TMEM161A: variants seen among roughly 807,000 people sequenced by gnomAD.
The protein encoded by TMEM161A is adaptive response to oxidative stress protein 29.
In TMEM161A, 46 loss-of-function variants were observed where a neutral mutation model predicts 57.1. The ratio of observed to expected loss-of-function variants is 0.81; its 90% confidence interval spans 0.64 to 1.03. TMEM161A has a LOEUF of 1.03. Ranked by LOEUF, TMEM161A falls within the 50% of genes least tolerant of loss-of-function variation. The pLI is 0.00. For synonymous variants in TMEM161A, 288 were observed against 279.0 expected (o/e 1.03, Z -0.32); for missense variants, 601 against 621.5 (o/e 0.97, Z 0.35).
chr19:19,123,203 G>A (rs1039846327), intron 6 of TMEM161A, among the ~76,000 whole-genome samples: 1 of 152,170 alleles, frequency 6.6e-6, no homozygotes, highest in East Asian at 1.9e-4. Context: ...AGAACAGAGA[G>A]CCCAACGCAA....
chr19:19,124,360 G>GAA (rs1311034501), intron 6 of TMEM161A, among the ~76,000 whole-genome samples: 3 of 151,996 alleles, frequency 2.0e-5, no homozygotes, highest in Non-Finnish European at 2.9e-5. Flanking sequence ...TAGAACATGT[G>GAA]AAAAAAGGCA....
chr19:19,132,126 A>G lies in TMEM161A; in HGVS notation c.443+226T>C, dbSNP rs574496133. Among the ~76,000 whole-genome samples, 4 of 152,318 alleles carry G rather than the reference A, an allele frequency of 2.6e-5. No homozygotes were observed. The East Asian group carries it at 7.7e-4, about 29-fold the overall frequency. On this transcript the variant is annotated intron_variant, in intron 5 of 11. Transcript: ENST00000162044. The surrounding 1 kb of genome is among the most constrained non-coding windows in gnomAD (Gnocchi z 4.3). The stretch of plus-strand genomic sequence containing the variant: ...CCTGCCTCCTGGCATTTCTACTGCC[A>G]CCAAAGGGCATGACCATGTGGAGTG...
chr19:19,120,994 T>G lies in TMEM161A; in HGVS notation c.1087A>C (p.Arg363=). 6.2e-7 allele frequency: 1 copy of G among 1,606,756 alleles called. No individual in the cohort carries two copies. The highest frequency in any genetic ancestry group is 8.5e-7 in the Non-Finnish European group (1 of 1,176,070). Residue 363 remains arginine (R), a splice_region_variant and synonymous_variant, in exon 10 of 12, where the codon AGG becomes CGG. Coordinates refer to ENST00000162044, the MANE Select transcript of TMEM161A (RefSeq NM_017814.3). ...CTAGGTCATCGGGGCGTCCATACCC[T>G]CTGCTGGATTTCACGGGCTTCGATG... ...GRIEAREIQQ[R]VVRVYCYVTV... is the part of the protein sequence containing the mutation.
chr19:19,136,384 G>A (rs915822503), intron 1 of TMEM161A, among the ~76,000 whole-genome samples: 18 of 152,262 alleles, frequency 1.2e-4, no homozygotes, highest in African/African-American at 4.1e-4. Context: ...GGCCAGGTGC[G>A]GTGGCTCGTG....
intron 5 of TMEM161A, among the ~76,000 whole-genome samples, chr19:19,131,517 C>T (rs1173327921): frequency 1.3e-5 from 2 of 151,898 alleles, no homozygotes; most frequent in Non-Finnish European, 2.9e-5. Context: ...TACACACACA[C>T]ACACACACAC....
rs2059951725 is a variant in TMEM161A, at chr19:19,130,256, A to AC, written c.494dup (p.Glu166Ter). 2 of 1,613,478 alleles carry AC rather than the reference A, an allele frequency of 1.2e-6. No homozygotes were observed. Among genetic ancestry groups the AC allele is most frequent in the East Asian group, 2.2e-5 (1 of 44,878 alleles). On this transcript the variant is annotated frameshift_variant, in exon 6 of 12. Coordinates refer to ENST00000162044, the MANE Select transcript of TMEM161A (RefSeq NM_017814.3). LOFTEE classifies it high-confidence loss of function. Reference sequence around the variant, plus strand: ...CAAAGGTGAGGCAGACAGAGCGCTCACCCCCCTCCTCGGCGCTGAAGTACA... The same window carrying AC: ...CAAAGGTGAGGCAGACAGAGCGCTCACCCCCCCTCCTCGGCGCTGAAGTACA...
In TMEM161A at chr19:19,130,252, G is replaced by T; in HGVS notation, c.499C>A (p.Arg167Ser). 1 of 1,613,862 alleles carries T rather than the reference G, an allele frequency of 6.2e-7. No homozygotes were observed. ...LYFSAEEGGERSVCLTFAFLF... is the reference protein window; with the variant it reads ...LYFSAEEGGESSVCLTFAFLF... ...AAGGCAAAGGTGAGGCAGACAGAGC[G>T]CTCACCCCCCTCCTCGGCGCTGAAG... The change falls in exon 6 of 12, where the codon CGC (arginine) becomes AGC (serine). Residue 167 changes from arginine to serine, a missense_variant. Arg to Ser is a moderately radical substitution (Grantham distance 110). Transcript: ENST00000162044.
Position 19,132,701 on chromosome 19 carries a change from G to A in TMEM161A, c.242C>T (p.Pro81Leu), listed in dbSNP as rs556891366. 4.6e-5 allele frequency: 73 copies of A among 1,579,978 alleles called. No homozygotes were observed. Among genetic ancestry groups the A allele is most frequent in the South Asian group, 3.5e-4 (30 of 85,352 alleles). The change falls in exon 4 of 12, where the codon CCG becomes CTG. Residue 81 changes from proline (P) to leucine (L), a missense_variant. Physicochemically the swap from Pro to Leu is moderately conservative, Grantham distance 98 (BLOSUM62 -3). Coordinates refer to ENST00000162044, the MANE Select transcript of TMEM161A (RefSeq NM_017814.3). The surrounding 1 kb of genome is among the most constrained non-coding windows in gnomAD (Gnocchi z 4.3). ...EKPLSVPRDAPFQLETCPLTT... is the reference protein window; with the variant it reads ...EKPLSVPRDALFQLETCPLTT... ...GAGGGGGCAGGTCTCCAGCTGGAACGGGGCATCTCGGGGCACAGACAGTGG... is the reference window on the plus strand; with the variant it reads ...GAGGGGGCAGGTCTCCAGCTGGAACAGGGCATCTCGGGGCACAGACAGTGG...
intron 6 of TMEM161A, among the ~76,000 whole-genome samples, chr19:19,125,662 G>A (rs968708023): frequency 2.6e-5 from 4 of 151,690 alleles, no homozygotes; most frequent in African/African-American, 7.3e-5. Context: ...GACTACAGGC[G>A]CCTGCCACCA....
chr19:19,120,184 C>T lies in TMEM161A; in HGVS notation c.1187-1G>A, dbSNP rs2059901636. ...GGGCCCAGGCCCCAGGAATAGCCTC[C>T]TAGGAGAAGAGGATGAAGCGAGGTA... On this transcript the variant is annotated splice_acceptor_variant, in intron 11 of 11. Transcript: ENST00000162044. LOFTEE classifies it high-confidence loss of function. 1.9e-6 allele frequency: 3 copies of T among 1,543,506 alleles called. No individual in the cohort carries two copies. The highest frequency in any genetic ancestry group is 2.6e-6 in the Non-Finnish European group (3 of 1,141,614).
rs767780973 is a variant in TMEM161A, at chr19:19,130,162, C to T, written c.589G>A (p.Glu197Lys). Residue 197 changes from glutamate to lysine, a missense_variant, in exon 6 of 12, where the codon GAG becomes AAG. Coordinates refer to ENST00000162044, the MANE Select transcript of TMEM161A (RefSeq NM_017814.3). Reference protein sequence around the residue: ...VREETLELGLEPGLASMTQNL... With the variant: ...VREETLELGLKPGLASMTQNL... Reference sequence around the variant, plus strand: ...CGTTGGGGGCTGCACTTACCAGGCTCCAGGCCCAGCTCGAGGGTCTCCTCC... The same window carrying T: ...CGTTGGGGGCTGCACTTACCAGGCTTCAGGCCCAGCTCGAGGGTCTCCTCC... 4.3e-6 allele frequency: 7 copies of T among 1,613,336 alleles called. No homozygotes were observed. Among genetic ancestry groups the T allele is most frequent in the Admixed American group, 1.7e-5 (1 of 60,010 alleles).
At chr19:19,130,420 G>A in intron 5 of TMEM161A, 113 bp from the exon 6 acceptor site, 1 of 1,381,918 alleles carries the variant, frequency 7.2e-7, no homozygotes. Flanking sequence ...GCACAAATAG[G>A]CCTTGGGGAT....
Position 19,138,408 on chromosome 19 carries a change from C to G in TMEM161A, c.3+18G>C, listed in dbSNP as rs750067563. ...CTCGGCCCTGCAGAACCCCCCACTT[C>G]GCGGGACGCTCGCTCACCATGACGC... On this transcript the variant is annotated intron_variant, in intron 1 of 11. Transcript: ENST00000162044. 1.2e-6 allele frequency: 2 copies of G among 1,602,618 alleles called. No individual in the cohort carries two copies. Among genetic ancestry groups the G allele is most frequent in the Non-Finnish European group, 1.7e-6 (2 of 1,174,658 alleles).
At chr19:19,123,579 T>A (rs771794835) in intron 6 of TMEM161A, among the ~76,000 whole-genome samples, 23 of 152,304 alleles carry the variant, frequency 1.5e-4, no homozygotes, top group Non-Finnish European at 1.5e-4. Context: ...ACTTTAAAGT[T>A]AAATGACAAA....
Position 19,137,586 on chromosome 19 carries a change from G to A in TMEM161A, c.3+840C>T, listed in dbSNP as rs770029035. 2.6e-4 allele frequency among the ~76,000 whole-genome samples: 40 copies of A among 152,152 alleles called. 1 individual carries two copies. The highest frequency in any genetic ancestry group is 4.7e-4 in the Non-Finnish European group (32 of 68,010). The stretch of plus-strand genomic sequence containing the variant: ...CAATGCAGCCTCCCTCCTCATTCCC[G>A]GGAGCCTGTGCCTTCATCTCCTACG... On this transcript the variant is annotated intron_variant, in intron 1 of 11. Transcript: ENST00000162044.
chr19:19,124,038 G>A (rs1200193942), intron 6 of TMEM161A, among the ~76,000 whole-genome samples: 1 of 150,928 alleles, frequency 6.6e-6, no homozygotes, highest in Non-Finnish European at 1.5e-5. Context: ...TGGCCAACGA[G>A]AGCAAAACTC....
rs746125613 is a variant in TMEM161A at position 19,132,367 on chromosome 19, G to A, written c.428C>T (p.Thr143Met). The change falls in exon 5 of 12, where the codon ACG (threonine) becomes ATG (methionine). Residue 143 changes from threonine to methionine, a missense_variant. Coordinates refer to ENST00000162044, the MANE Select transcript of TMEM161A (RefSeq NM_017814.3). This position sits in a 1 kb window ranked among gnomAD's most constrained non-coding sequence, Gnocchi z 4.3. ...TNIAVFWCLLTVTFSIKMFLT... is the reference protein window; with the variant it reads ...TNIAVFWCLLMVTFSIKMFLT... Reference sequence around the variant, plus strand: ...GGAAGGATACATGGAGAAGGTCACCGTGAGCAGGCACCAGAACACAGCAAT... The same window carrying A: ...GGAAGGATACATGGAGAAGGTCACCATGAGCAGGCACCAGAACACAGCAAT... 57 of 1,613,324 alleles carry A rather than the reference G, an allele frequency of 3.5e-5. No individual in the cohort carries two copies. The highest frequency in any genetic ancestry group is 6.6e-5 in the South Asian group (6 of 91,012).
At position 19,130,260 on chromosome 19, in the gene TMEM161A, CCCT is replaced by C; in HGVS notation, c.488_490del (p.Glu163del). 3 of 1,613,870 alleles carry C rather than the reference CCCT, an allele frequency of 1.9e-6. No homozygotes were observed. The highest frequency in any genetic ancestry group is 2.5e-6 in the Non-Finnish European group (3 of 1,180,030). Reference sequence around the variant, plus strand: ...GGTGAGGCAGACAGAGCGCTCACCCCCCTCCTCGGCGCTGAAGTACAGCCGTGT... The same window carrying C: ...GGTGAGGCAGACAGAGCGCTCACCCCCCTCGGCGCTGAAGTACAGCCGTGT... On this transcript the variant is annotated inframe_deletion, in exon 6 of 12. Transcript: ENST00000162044.
chr19:19,132,601 T>C lies in TMEM161A; in HGVS notation c.286+56A>G. ...CAAATCCTCCCCACCCCCATGAGGG[T>C]GTGGAGACCTTCAGGGCTGAGGGAG... On this transcript the variant is annotated intron_variant, in intron 4 of 11. Transcript: ENST00000162044. This position sits in a 1 kb window ranked among gnomAD's most constrained non-coding sequence, Gnocchi z 4.3. 6.4e-7 allele frequency: 1 copy of C among 1,564,800 alleles called. No individual in the cohort carries two copies. Among genetic ancestry groups the C allele is most frequent in the Non-Finnish European group, 8.7e-7 (1 of 1,153,972 alleles).
Sources: gnomAD v4.1 joint callset for allele counts (sites outside exome capture counted in the v4.1 genomes callset) on GRCh38, gnomAD v4.1.1 for gene constraint, Gnocchi (gnomAD v3.1) non-coding constraint, MANE v1.5 for transcripts, NCBI Gene and HGNC (gene_info 2026-07-23, HGNC 2026-07-21) for gene names.